Variants in NOSIP observed in about 807,000 individuals in gnomAD.
NOSIP encodes nitric oxide synthase interacting protein.
NOSIP carries 25 observed loss-of-function variants against 36.4 expected under a neutral mutation model. The ratio of observed to expected loss-of-function variants is 0.69; its 90% CI spans 0.50 to 0.96. NOSIP has a LOEUF of 0.96. Among genes scored for constraint, NOSIP ranks in the 40% least tolerant of loss-of-function variants. NOSIP has a pLI of 0.00. For missense variants in NOSIP, 370 were observed against 429.0 expected (o/e 0.86, Z 1.21); for synonymous variants, 187 against 179.2 (o/e 1.04, Z -0.35).
intron 1 of NOSIP, among the ~76,000 whole-genome samples, chr19:49,570,117 A>G (rs1334025807): frequency 1.3e-5 from 2 of 151,976 alleles, no homozygotes; most frequent in Non-Finnish European, 2.9e-5. Flanking sequence ...AAATAAAGAA[A>G]GAATAAAATA....
chr19:49,563,392 C>A (rs1346335605), intron 1 of NOSIP, among the ~76,000 whole-genome samples: 1 of 151,982 alleles, frequency 6.6e-6, no homozygotes, highest in Non-Finnish European at 1.5e-5. Context: ...CCCAGGTTGG[C>A]CTTGAACTCC....
intron 1 of NOSIP, among the ~76,000 whole-genome samples, chr19:49,577,848 G>A (rs1363077788): frequency 7.3e-6 from 1 of 137,732 alleles, no homozygotes; most frequent in Non-Finnish European, 1.6e-5. Flanking sequence ...AAGAAGGAAG[G>A]CAGTCACAAT....
intron 8 of NOSIP, 124 bp from the exon 9 acceptor site, chr19:49,555,946 G>T: frequency 1.4e-6 from 1 of 692,572 alleles, no homozygotes; most frequent in South Asian, 1.6e-5. Flanking sequence ...AGGAGTAGGA[G>T]TTGGGGAGGG....
chr19:49,556,519 G>GTCCCT (rs2080249198), intron 7 of NOSIP, 30 bp downstream of exon 7: 1 of 1,605,766 alleles, frequency 6.2e-7, no homozygotes, highest in African/African-American at 1.3e-5. Context: ...TTCCCGAGTG[G>GTCCCT]TCCCTTCCCT....
At chr19:49,574,127 G>A (rs1046988494) in intron 1 of NOSIP, among the ~76,000 whole-genome samples, 4 of 152,108 alleles carry the variant, frequency 2.6e-5, no homozygotes, top group African/African-American at 7.2e-5. Context: ...CTCCCAAAGT[G>A]CTGGGATTAC....
chr19:49,565,769 A>AAAAG (rs147179302), intron 1 of NOSIP, among the ~76,000 whole-genome samples: 24,570 of 139,952 alleles, frequency 0.18, 2,273 homozygotes, highest in African/African-American at 0.31. Context: ...AAAGAAAAAA[A>AAAAG]AAAGAAAGAA....
At chr19:49,574,150 C>T (rs2080522236) in intron 1 of NOSIP, among the ~76,000 whole-genome samples, 1 of 152,128 alleles carries the variant, frequency 6.6e-6, no homozygotes, top group African/African-American at 2.4e-5. Context: ...GCATGAGCTA[C>T]CGCGCCCAGT....
intron 1 of NOSIP, among the ~76,000 whole-genome samples, chr19:49,564,912 G>T (rs1354394238): frequency 6.6e-6 from 1 of 152,082 alleles, no homozygotes; most frequent in South Asian, 2.1e-4. Context: ...CACCAGACAC[G>T]CAAAAGAAAA....
intron 1 of NOSIP, among the ~76,000 whole-genome samples, chr19:49,564,426 C>G (rs2080376441): frequency 6.9e-6 from 1 of 144,778 alleles, no homozygotes; most frequent in South Asian, 2.2e-4. Context: ...GGCACTCTAG[C>G]CTAGGGGACA....
chr19:49,557,363 ATG>A, intron 4 of NOSIP, 114 bp from the exon 5 acceptor site: 1 of 1,457,846 alleles, frequency 6.9e-7, no homozygotes, highest in Non-Finnish European at 9.0e-7. Flanking sequence ...TGGAGGCACT[ATG>A]TGGCAGAGGG....
chr19:49,556,934 G>A lies in NOSIP; in HGVS notation c.478C>T (p.Pro160Ser). 1 of 1,613,398 alleles carries A rather than the reference G, an allele frequency of 6.2e-7. No individual in the cohort carries two copies. The highest frequency in any genetic ancestry group is 8.5e-7 in the Non-Finnish European group (1 of 1,179,660). ...PPSKDKDKVL[P>S]SFWIPSLTPE... is the part of the protein sequence containing the mutation. ...GTCAGCGACGGGATCCAGAAGCTGG[G>A]CAGCACTTTGTCCTTGTCCTTACTT... Residue 160 changes from proline to serine, a missense_variant, in exon 6 of 9, where the codon CCC becomes TCC. Coordinates refer to ENST00000596358, the MANE Select transcript of NOSIP (RefSeq NM_001270960.2).
At position 49,556,724 on chromosome 19, in the gene NOSIP, T is replaced by C; in HGVS notation, c.550A>G (p.Thr184Ala). Residue 184 changes from threonine to alanine, a missense_variant, in exon 7 of 9, where the codon ACC (threonine) becomes GCC (alanine). Coordinates refer to ENST00000596358, the MANE Select transcript of NOSIP (RefSeq NM_001270960.2). Reference sequence around the variant, plus strand: ...AGGGGCTTCCCTGACATGGGGCAGGTCACCGTGCGGGACTGCAAGGGGCAG... The same window carrying C: ...AGGGGCTTCCCTGACATGGGGCAGGCCACCGTGCGGGACTGCAAGGGGCAG... ...TKLEKPSRTV[T>A]CPMSGKPLRM... is the part of the protein sequence containing the mutation. The C allele has an allele frequency of 6.2e-7, 1 of 1,607,602 alleles. No individual in the cohort carries two copies. Among genetic ancestry groups the C allele is most frequent in the Non-Finnish European group, 8.5e-7 (1 of 1,176,366 alleles).
At chr19:49,564,794 A>G (rs896995214) in intron 1 of NOSIP, among the ~76,000 whole-genome samples, 7 of 152,194 alleles carry the variant, frequency 4.6e-5, no homozygotes, top group Non-Finnish European at 1.0e-4. Flanking sequence ...CAGAGTAGAT[A>G]AAGAAACTGG....
chr19:49,578,474 G>A (rs1047906111), intron 1 of NOSIP, among the ~76,000 whole-genome samples: 10 of 151,868 alleles, frequency 6.6e-5, no homozygotes, highest in Admixed American at 2.0e-4. Context: ...TTGGTCTGTA[G>A]AACATAATTA....
At chr19:49,577,563 A>C (rs906628029) in intron 1 of NOSIP, among the ~76,000 whole-genome samples, 1 of 151,556 alleles carries the variant, frequency 6.6e-6, no homozygotes, top group Non-Finnish European at 1.5e-5. Flanking sequence ...AAAAGAAAAG[A>C]AGTATATCTT....
chr19:49,560,053 T>A lies in NOSIP; in HGVS notation c.71-14A>T. 6.3e-7 allele frequency: 1 copy of A among 1,581,816 alleles called. No individual in the cohort carries two copies. Among genetic ancestry groups the A allele is most frequent in the Non-Finnish European group, 8.7e-7 (1 of 1,152,928 alleles). On this transcript the variant is annotated splice_polypyrimidine_tract_variant and intron_variant, in intron 2 of 8. Coordinates refer to ENST00000596358, the MANE Select transcript of NOSIP (RefSeq NM_001270960.2). This position sits in a 1 kb window ranked among gnomAD's most constrained non-coding sequence, Gnocchi z 4.6. The stretch of plus-strand genomic sequence containing the variant: ...AGCCCGAGGCCGCTGGGGACAGAGA[T>A]GGGCAGAGTGATGGAGGGGCGGAGC...
chr19:49,564,183 G>A (rs934349632), intron 1 of NOSIP, among the ~76,000 whole-genome samples: 1 of 152,106 alleles, frequency 6.6e-6, no homozygotes, highest in Non-Finnish European at 1.5e-5. Context: ...GCCGAGCACC[G>A]TGGCTTACAC....
intron 1 of NOSIP, among the ~76,000 whole-genome samples, chr19:49,577,417 C>T (rs139174033): frequency 0.013 from 1,972 of 152,102 alleles, 22 homozygotes; most frequent in East Asian, 0.051. Flanking sequence ...ATTAGCTAGG[C>T]GTGGTAGCGC....
chr19:49,569,201 T>C (rs1599759860), intron 1 of NOSIP, among the ~76,000 whole-genome samples: 1 of 140,964 alleles, frequency 7.1e-6, no homozygotes, highest in Non-Finnish European at 1.5e-5. Flanking sequence ...CAATGATACT[T>C]TTTTTTTTTT....
Sources: allele counts gnomAD v4.1 joint callset (sites outside exome capture counted in the v4.1 genomes callset), GRCh38; gene constraint gnomAD v4.1.1; non-coding constraint Gnocchi (gnomAD v3.1); transcripts MANE v1.5; gene names NCBI Gene and HGNC (gene_info 2026-07-23, HGNC 2026-07-21).